FBXO34: variants seen among roughly 807,000 people sequenced by gnomAD.
FBXO34 encodes the protein F-box protein 34.
FBXO34 carries 12 observed loss-of-function variants against 24.5 expected under a neutral mutation model. The observed-to-expected ratio is 0.49, with a 90% CI of 0.31 to 0.79. The LOEUF is 0.79. FBXO34 is among the 30% of genes least tolerant of loss of function. The pLI, the probability that FBXO34 is intolerant of heterozygous loss-of-function variation, is 0.04. For synonymous variants in FBXO34, 320 were observed against 311.9 expected (o/e 1.03, Z -0.27); for missense variants, 823 against 857.7 (o/e 0.96, Z 0.51).
the FBXO34 span, among the ~76,000 whole-genome samples, chr14:55,390,462 C>T: frequency 1.3e-5 from 2 of 152,126 alleles, no homozygotes; most frequent in East Asian, 1.9e-4. Context: ...CAAGCTCTGC[C>T]TCCTGGGTTC....
At chr14:55,431,528 T>G in the FBXO34 span, among the ~76,000 whole-genome samples, 1 of 152,172 alleles carries the variant, frequency 6.6e-6, no homozygotes, top group East Asian at 1.9e-4. Flanking sequence ...ATTAATTAGG[T>G]TTTCCCTGTT....
At chr14:55,354,691 G>C (rs1272156524), downstream of FBXO34, 1 of 152,292 alleles carries the variant, frequency 6.6e-6, no homozygotes, top group Non-Finnish European at 1.5e-5. Context: ...GGTGCTGTCT[G>C]CATGAAAGGT....
chr14:55,428,800 G>A, the FBXO34 span: 325 of 1,612,648 alleles, frequency 2.0e-4, no homozygotes, highest in Middle Eastern at 8.3e-4. Flanking sequence ...CTATATAACC[G>A]TCATACCTAC....
chr14:55,397,434 C>T, the FBXO34 span: 4 of 1,611,144 alleles, frequency 2.5e-6, no homozygotes, highest in Non-Finnish European at 3.4e-6. Context: ...TGTCGATAAA[C>T]CTGTAACAAA....
At chr14:55,346,091 A>G (rs887623010) in intron 1 of FBXO34, among the ~76,000 whole-genome samples, 2 of 152,222 alleles carry the variant, frequency 1.3e-5, no homozygotes, top group African/African-American at 4.8e-5. Context: ...ATCTGATGCT[A>G]CATGTTTTAT....
At chr14:55,339,476 C>T (rs906911502) in intron 1 of FBXO34, 6 of 150,070 alleles carry the variant, frequency 4.0e-5, no homozygotes, top group Non-Finnish European at 7.4e-5. Flanking sequence ...AAGCCATTAT[C>T]CTTTTTATAT....
At chr14:55,338,240 G>C (rs557607055) in intron 1 of FBXO34, among the ~76,000 whole-genome samples, 8 of 151,292 alleles carry the variant, frequency 5.3e-5, no homozygotes, top group African/African-American at 1.7e-4. Flanking sequence ...TAGTAGAGAC[G>C]GGGTTTCACT....
chr14:55,403,710 T>C, the FBXO34 span, among the ~76,000 whole-genome samples: 108 of 151,910 alleles, frequency 7.1e-4, no homozygotes, highest in Non-Finnish European at 1.3e-3. Flanking sequence ...ACCAGCAAAA[T>C]AGTATGTATT....
intron 1 of FBXO34, among the ~76,000 whole-genome samples, chr14:55,272,981 C>A (rs1881207866): frequency 6.6e-6 from 1 of 152,200 alleles, no homozygotes; most frequent in African/African-American, 2.4e-5. Context: ...AGAAGCTAGT[C>A]ACTTTGTCAT....
intron 1 of FBXO34, among the ~76,000 whole-genome samples, chr14:55,348,644 T>G (rs1458500602): frequency 6.6e-6 from 1 of 152,204 alleles, no homozygotes; most frequent in Non-Finnish European, 1.5e-5. Flanking sequence ...ACTGGGATTA[T>G]AGGTGTGAGC....
the FBXO34 span, chr14:55,413,558 A>AT: frequency 7.8e-4 from 336 of 431,098 alleles, no homozygotes; most frequent in African/African-American, 6.7e-3. Flanking sequence ...GACACCTATT[A>AT]TGCCATGAAC....
intron 1 of FBXO34, among the ~76,000 whole-genome samples, chr14:55,322,572 G>A (rs1224272063): frequency 6.6e-6 from 1 of 152,114 alleles, no homozygotes; most frequent in Non-Finnish European, 1.5e-5. Context: ...CTGGGCTCAA[G>A]TGATCCTCTC....
At chr14:55,359,055 C>T (rs1270314189) in intron 3 of FBXO34, among the ~76,000 whole-genome samples, 6 of 152,140 alleles carry the variant, frequency 3.9e-5, no homozygotes, top group African/African-American at 1.2e-4. Flanking sequence ...CTGGAGACCA[C>T]CGATGCACCA....
At chr14:55,317,904 T>C (rs1369974673) in intron 1 of FBXO34, among the ~76,000 whole-genome samples, 1 of 152,120 alleles carries the variant, frequency 6.6e-6, no homozygotes, top group African/African-American at 2.4e-5. Flanking sequence ...TGTGCAAGGG[T>C]AGGTATTTGC....
chr14:55,331,279 G>C (rs1216076904), intron 1 of FBXO34, among the ~76,000 whole-genome samples: 1 of 151,920 alleles, frequency 6.6e-6, no homozygotes, highest in Admixed American at 6.6e-5. Flanking sequence ...AATTTCTCTG[G>C]TAAAAATATA....
chr14:55,296,391 G>GTTTTGTTTTT (rs1338074763), intron 1 of FBXO34, among the ~76,000 whole-genome samples: 5 of 64,762 alleles, frequency 7.7e-5, no homozygotes, highest in Non-Finnish European at 6.0e-5. Context: ...TGTTTTTTTT[G>GTTTTGTTTTT]TTTTTTTTTT....
At chr14:55,436,557 T>G in the FBXO34 span, 1 of 1,611,498 alleles carries the variant, frequency 6.2e-7, no homozygotes, top group Non-Finnish European at 8.5e-7. Flanking sequence ...AAATAAAAAC[T>G]TACTGTAGTT....
At chr14:55,422,850 C>G in the FBXO34 span, among the ~76,000 whole-genome samples, 1 of 151,980 alleles carries the variant, frequency 6.6e-6, no homozygotes, top group African/African-American at 2.4e-5. Flanking sequence ...GAGACTCTGT[C>G]TCAAAAACAA....
the FBXO34 span, chr14:55,428,831 A>G: frequency 8.1e-6 from 13 of 1,614,118 alleles, no homozygotes; most frequent in South Asian, 1.4e-4. Context: ...ATGGGTTAGC[A>G]CCAAACCTTC....
Sources: allele counts gnomAD v4.1 joint callset (sites outside exome capture counted in the v4.1 genomes callset), GRCh38; gene constraint gnomAD v4.1.1; transcripts MANE v1.5; gene names NCBI Gene and HGNC (gene_info 2026-07-23, HGNC 2026-07-21).